The following FAM25C variants were observed in gnomAD, a reference collection of about 807,000 sequenced individuals.
FAM25C encodes the protein family with sequence similarity 25 member C, also known as protein FAM25C.
FAM25C carries 4 observed loss-of-function variants against 9.6 expected under a neutral mutation model. That is an observed-to-expected ratio of 0.42 (90% CI 0.20 to 0.95). The LOEUF (loss-of-function observed/expected upper bound fraction) is 0.95, where lower values mean the gene tolerates loss of function less well. Ranked by LOEUF, FAM25C falls within the 40% of genes least tolerant of loss-of-function variation. FAM25C has a pLI of 0.31. For missense variants in FAM25C, 38 were observed against 110.4 expected (o/e 0.34, Z 2.94); for synonymous variants, 23 against 44.1 (o/e 0.52, Z 1.89).
In FAM25C at chr10:47,997,803, G is replaced by C. The variant is rs184025508; in HGVS notation, c.74-64C>G. 1.3e-5 allele frequency: 20 copies of C among 1,526,094 alleles called. 1 individual carries two copies. Among genetic ancestry groups the C allele is most frequent in the Non-Finnish European group, 1.7e-5 (19 of 1,131,550 alleles). The allele number at this position is 1,526,094 out of a possible 1,614,324, so 94.5% of individuals were successfully genotyped here. ...CAGGCCGGCTGCCCCTGAGTCCAGG[G>C]TGAGGGTTCAGAGCAGAGCCGCTGC... On this transcript the variant is annotated intron_variant, in intron 1 of 2. Coordinates refer to ENST00000617224, the MANE Select transcript of FAM25C (RefSeq NM_001137548.3).
intron 1 of FAM25C, among the ~76,000 whole-genome samples, chr10:47,998,144 G>C (rs1322703516): frequency 6.6e-6 from 1 of 151,446 alleles, no homozygotes; most frequent in Non-Finnish European, 1.5e-5. Context: ...TGCCAGCTGA[G>C]ACATGAAACC....
intron 2 of FAM25C, among the ~76,000 whole-genome samples, chr10:47,995,887 T>C: frequency 6.6e-6 from 1 of 151,126 alleles, no homozygotes; most frequent in East Asian, 1.9e-4. Flanking sequence ...AGTGTTTTTT[T>C]TTTTTTGGCT....
chr10:47,995,937 AT>A (rs1555256417), intron 2 of FAM25C, among the ~76,000 whole-genome samples: 1 of 145,536 alleles, frequency 6.9e-6, no homozygotes, highest in Non-Finnish European at 1.5e-5. Flanking sequence ...TTTACTTAAT[AT>A]TTCCTTTATG....
Position 47,995,477 on chromosome 10 carries a change from T to C in FAM25C, c.171A>G (p.Ser57=), listed in dbSNP as rs1179224079. The change falls in exon 3 of 3, where the codon TCA becomes TCG. Residue 57 remains serine, a synonymous_variant. Coordinates refer to ENST00000617224, the MANE Select transcript of FAM25C (RefSeq NM_001137548.3). ...TGATTTCCTTCATCTTTTTGTCCCC[T>C]GACTCCTGGGCTTTCTTTATGGCTT... ...IAEAIKKAQE[S]GDKKMKEITE... 23 of 1,533,614 alleles carry C rather than the reference T, an allele frequency of 1.5e-5. 1 individual carries two copies. The highest frequency in any genetic ancestry group is 1.9e-5 in the Non-Finnish European group (22 of 1,145,732).
rs1193876685 is a variant in FAM25C at position 47,997,590 on chromosome 10, A to T, written c.136+87T>A. 2.6e-4 allele frequency: 208 copies of T among 788,374 alleles called. 1 individual carries two copies. In the East Asian group the frequency reaches 5.5e-3, roughly 21 times the overall value. 48.8% of individuals were successfully genotyped at this position (788,374 alleles called of 1,614,324 possible). On this transcript the variant is annotated intron_variant, in intron 2 of 2. Transcript: ENST00000617224. ...GCTGCAACATTAGGGGCAGAGTTTGACCTGGTTAGTCAAAGAACAGGTTGG... is the reference window on the plus strand; with the variant it reads ...GCTGCAACATTAGGGGCAGAGTTTGTCCTGGTTAGTCAAAGAACAGGTTGG...
rs1325516798 is a variant in FAM25C, at chr10:47,995,567, C to T, written c.137-56G>A. On this transcript the variant is annotated intron_variant, in intron 2 of 2. Coordinates refer to ENST00000617224, the MANE Select transcript of FAM25C (RefSeq NM_001137548.3). ...GTGATCCACCTGCTGAACTTGTGTC[C>T]CCTTGAGTGGCCTGTGGGATGTGGC... 5 of 1,531,560 alleles carry T rather than the reference C, an allele frequency of 3.3e-6. No homozygotes were observed. The South Asian group carries it at 6.0e-5, about 18-fold the overall frequency. The allele number at this position is 1,531,560 out of a possible 1,614,324, so 94.9% of individuals were successfully genotyped here.
Position 47,999,766 on chromosome 10 carries a change from C to T in FAM25C, c.-1G>A, listed in dbSNP as rs1320357989. On this transcript the variant is annotated 5_prime_UTR_variant, in exon 1 of 3. Coordinates refer to ENST00000617224, the MANE Select transcript of FAM25C (RefSeq NM_001137548.3). ...CCAGCTTCCCCAGGCCTCCCAGCAT[C>T]GTGTGGCAGCAGACAGTGGCGAACT... 21 of 1,511,006 alleles carry T rather than the reference C, an allele frequency of 1.4e-5. No individual in the cohort carries two copies. In the East Asian group the frequency reaches 2.0e-4, roughly 14 times the overall value. The allele number at this position is 1,511,006 out of a possible 1,614,324, so 93.6% of individuals were successfully genotyped here.
intron 2 of FAM25C, among the ~76,000 whole-genome samples, chr10:47,996,901 G>A (rs568795359): frequency 5.0e-4 from 61 of 122,466 alleles, no homozygotes; most frequent in Admixed American, 8.9e-4. Flanking sequence ...GCGCGATCTC[G>A]GCTCACTGCA....
At position 47,995,397 on chromosome 10, in the gene FAM25C, A is replaced by G. The variant is rs1437646258; in HGVS notation, c.251T>C (p.Leu84Pro). Residue 84 changes from leucine to proline, a missense_variant, in exon 3 of 3, where the codon CTG (leucine) becomes CCG (proline). Transcript: ENST00000617224. Reference protein sequence around the residue: ...TNAITHAAESLDKLGQ With the variant: ...TNAITHAAESPDKLGQ ...GTGCACTCACTGTCCAAGTTTGTCC[A>G]GACTTTCTGCTGCATGGGTGATGGC... 1.3e-6 allele frequency: 2 copies of G among 1,519,028 alleles called. No homozygotes were observed. Among genetic ancestry groups the G allele is most frequent in the Non-Finnish European group, 1.8e-6 (2 of 1,134,434 alleles). 94.1% of individuals were successfully genotyped at this position (1,519,028 alleles called of 1,614,324 possible).
At chr10:47,997,306 T>A (rs1555256611) in intron 2 of FAM25C, among the ~76,000 whole-genome samples, 1 of 147,560 alleles carries the variant, frequency 6.8e-6, no homozygotes, top group African/African-American at 2.5e-5. Flanking sequence ...AGACGGGGTT[T>A]CACCGTGTTA....
rs1555256313 is a variant in FAM25C at position 47,995,372 on chromosome 10, G to A, written c.*6C>T. On this transcript the variant is annotated 3_prime_UTR_variant, in exon 3 of 3. Transcript: ENST00000617224. ...GACTGGGGAAGGGCCGTGGTAGCAGGTGCACTCACTGTCCAAGTTTGTCCA... is the reference window on the plus strand; with the variant it reads ...GACTGGGGAAGGGCCGTGGTAGCAGATGCACTCACTGTCCAAGTTTGTCCA... 4.7e-6 allele frequency: 7 copies of A among 1,498,886 alleles called. No individual in the cohort carries two copies. The highest frequency in any genetic ancestry group is 4.0e-5 in the Admixed American group (2 of 50,388). 92.8% of individuals were successfully genotyped at this position (1,498,886 alleles called of 1,614,324 possible). A position where few individuals can be genotyped will look rare whatever the true frequency, so the allele number is the denominator to read the frequency against.
intron 2 of FAM25C, among the ~76,000 whole-genome samples, chr10:47,996,363 G>C (rs1164775625): frequency 1.5e-5 from 2 of 135,994 alleles, no homozygotes; most frequent in Admixed American, 1.5e-4. Context: ...CTGTCACCCA[G>C]GCTGGAGTGC....
intron 1 of FAM25C, among the ~76,000 whole-genome samples, chr10:47,998,753 C>G (rs1472730250): frequency 2.1e-5 from 3 of 142,806 alleles, no homozygotes; most frequent in Admixed American, 2.1e-4. Flanking sequence ...TTTCTCCCAA[C>G]AGGAATCATA....
intron 2 of FAM25C, among the ~76,000 whole-genome samples, chr10:47,996,441 C>G (rs1460399492): frequency 7.6e-6 from 1 of 131,472 alleles, no homozygotes; most frequent in Non-Finnish European, 1.6e-5. Context: ...GCCTCAGACT[C>G]CTGAGTAGCT....
intron 2 of FAM25C, among the ~76,000 whole-genome samples, chr10:47,995,763 GA>G (rs1279634250): frequency 1.5e-4 from 23 of 149,574 alleles, no homozygotes; most frequent in Admixed American, 4.7e-4. Context: ...CTTTTTTCTG[GA>G]AAATGCCTGC....
chr10:47,997,925 A>G (rs1181803239), intron 1 of FAM25C, among the ~76,000 whole-genome samples, 186 bp from the exon 2 acceptor site: 1 of 146,580 alleles, frequency 6.8e-6, no homozygotes, highest in Non-Finnish European at 1.5e-5. Flanking sequence ...AGACCTATAC[A>G]TCCCTGGGCA....
intron 1 of FAM25C, among the ~76,000 whole-genome samples, chr10:47,999,223 G>GT (rs1318323421): frequency 2.3e-5 from 1 of 44,134 alleles, no homozygotes; most frequent in South Asian, 1.2e-3. Flanking sequence ...TCCAGCCTGG[G>GT]TGCCAGAGCA....
chr10:47,996,932 C>T (rs1279081530), intron 2 of FAM25C, among the ~76,000 whole-genome samples: 7 of 132,448 alleles, frequency 5.3e-5, no homozygotes, highest in South Asian at 2.6e-4. Context: ...TCCAGGTTCA[C>T]GCCATTCTCC....
At chr10:47,995,867 G>T (rs1478070146) in intron 2 of FAM25C, among the ~76,000 whole-genome samples, 6 of 148,742 alleles carry the variant, frequency 4.0e-5, no homozygotes, top group Non-Finnish European at 7.4e-5. Flanking sequence ...TTTTCTTTTG[G>T]CTTGGTTATA....
Sources: allele counts gnomAD v4.1 joint callset (sites outside exome capture counted in the v4.1 genomes callset), GRCh38; gene constraint gnomAD v4.1.1; transcripts MANE v1.5; gene names NCBI Gene and HGNC (gene_info 2026-07-23, HGNC 2026-07-21).